Variants in VIPR2 observed in about 807,000 individuals in gnomAD.
The protein encoded by VIPR2 is vasoactive intestinal peptide receptor 2.
A neutral mutation model predicts 58.0 loss-of-function variants in VIPR2; 48 were observed. That is an observed-to-expected ratio of 0.83 (90% CI 0.66 to 1.05). The LOEUF is 1.05. VIPR2 is among the 50% of genes least tolerant of loss of function. VIPR2 has a pLI of 0.00. For synonymous variants in VIPR2, 243 were observed against 235.2 expected (o/e 1.03, Z -0.30); for missense variants, 534 against 558.0 (o/e 0.96, Z 0.43).
intron 2 of VIPR2, among the ~76,000 whole-genome samples, chr7:159,133,508 T>C (rs1204763790): frequency 6.6e-6 from 1 of 152,286 alleles, no homozygotes; most frequent in Non-Finnish European, 1.5e-5. Flanking sequence ...TTTCCATATG[T>C]ATTAACAAAA....
chr7:159,054,500 A>C (rs570870287), intron 5 of VIPR2, among the ~76,000 whole-genome samples: 15 of 152,362 alleles, frequency 9.8e-5, no homozygotes, highest in African/African-American at 3.4e-4. Flanking sequence ...ACCAAACAGA[A>C]AAATGAGCAA....
intron 4 of VIPR2, among the ~76,000 whole-genome samples, chr7:159,061,477 G>A (rs1368369930): frequency 6.6e-6 from 1 of 151,342 alleles, no homozygotes. Context: ...TGACACCCCC[G>A]TCTCCATAAA....
intron 5 of VIPR2, among the ~76,000 whole-genome samples, chr7:159,047,477 A>C (rs1471755485): frequency 6.6e-6 from 1 of 152,198 alleles, no homozygotes; most frequent in Non-Finnish European, 1.5e-5. Context: ...TTTGTCAAAG[A>C]ATTCGGTTAT....
At position 159,034,230 on chromosome 7, in the gene VIPR2, G is replaced by A. The variant is rs746826701; in HGVS notation, c.954C>T (p.Asn318=). 2.3e-5 allele frequency: 37 copies of A among 1,613,950 alleles called. No homozygotes were observed. The highest frequency in any genetic ancestry group is 5.3e-5 in the African/African-American group (4 of 74,942). ...ACACTCACTTGTACTGAGACTGGTC[G>A]TTGCCGCCGACATCTGGGGATGTTA... The part of the protein sequence containing the change: ...QKLTSPDVGG[N]DQSQYKRLAK... The change falls in exon 10 of 13, where the codon AAC becomes AAT. Residue 318 remains asparagine (N), a synonymous_variant. Coordinates refer to ENST00000262178, the MANE Select transcript of VIPR2 (RefSeq NM_003382.5).
intron 8 of VIPR2, among the ~76,000 whole-genome samples, chr7:159,035,248 G>A (rs1651616795): frequency 6.6e-6 from 1 of 152,100 alleles, no homozygotes; most frequent in African/African-American, 2.4e-5. Flanking sequence ...TTTCCCTCGG[G>A]GGCCGAGGGC....
chr7:159,045,887 T>TATAATATATA (rs55706207), intron 5 of VIPR2, among the ~76,000 whole-genome samples: 123,579 of 148,522 alleles, frequency 0.83, 53,166 homozygotes, highest in East Asian at 1. Context: ...AGGATTAGTA[T>TATAATATATA]CTAAAATATA....
intron 2 of VIPR2, among the ~76,000 whole-genome samples, chr7:159,122,494 C>T (rs1013494887): frequency 1.3e-5 from 2 of 152,206 alleles, no homozygotes; most frequent in Non-Finnish European, 2.9e-5. Flanking sequence ...TGGATAAAAA[C>T]AGGCCTGGCA....
At chr7:159,132,976 C>A (rs10275969) in intron 2 of VIPR2, among the ~76,000 whole-genome samples, 783 of 70,856 alleles carry the variant, frequency 0.011, 5 homozygotes, top group East Asian at 0.03. Flanking sequence ...ATTGGCATAC[C>A]GATTGATTTT....
chr7:159,101,880 T>C (rs1397144387), intron 4 of VIPR2, among the ~76,000 whole-genome samples: 1 of 142,418 alleles, frequency 7.0e-6, no homozygotes, highest in African/African-American at 2.7e-5. Flanking sequence ...ACTGTTCCTG[T>C]GGTAGTGAAC....
chr7:159,097,051 A>G lies in VIPR2; in HGVS notation c.357+6706T>C. ...GCAGGCCGCTCTGGGGGTCTCTGGC[A>G]GGCTCCTCCTGGCACCCTGGGAGGC... On this transcript the variant is annotated intron_variant, in intron 4 of 12. Coordinates refer to ENST00000262178, the MANE Select transcript of VIPR2 (RefSeq NM_003382.5). The surrounding 1 kb of genome is among the most constrained non-coding windows in gnomAD (Gnocchi z 5.3). 1 of 1,548,458 alleles carries G rather than the reference A, an allele frequency of 6.5e-7. No homozygotes were observed. Among genetic ancestry groups the G allele is most frequent in the South Asian group, 1.2e-5 (1 of 83,868 alleles).
intron 1 of VIPR2, 56 bp downstream of exon 1, chr7:159,144,665 G>A: frequency 2.9e-6 from 4 of 1,367,640 alleles, no homozygotes; most frequent in Non-Finnish European, 3.8e-6. Context: ...CGCTCTTCTC[G>A]GAAGGGGAGA....
chr7:159,133,028 A>ATTGGCATACCGATTGAT (rs1563355752), intron 2 of VIPR2, among the ~76,000 whole-genome samples: 2 of 143,008 alleles, frequency 1.4e-5, no homozygotes, highest in African/African-American at 2.6e-5. Context: ...AGACAGAATG[A>ATTGGCATACCGATTGAT]TTCCAAAAAT....
At chr7:159,090,010 G>A (rs935980147) in intron 4 of VIPR2, among the ~76,000 whole-genome samples, 11 of 152,074 alleles carry the variant, frequency 7.2e-5, no homozygotes, top group African/African-American at 2.7e-4. Flanking sequence ...GACATGCTGG[G>A]ATCACGCACA....
chr7:159,121,888 A>C (rs1277217954), intron 2 of VIPR2, among the ~76,000 whole-genome samples: 1 of 152,234 alleles, frequency 6.6e-6, no homozygotes. Flanking sequence ...CTTTACTGCA[A>C]ATGCTCATTA....
At chr7:159,104,832 C>T (rs190931491) in intron 3 of VIPR2, among the ~76,000 whole-genome samples, 293 of 148,836 alleles carry the variant, frequency 2.0e-3, no homozygotes, top group African/African-American at 6.8e-3. Flanking sequence ...TGACAGTATC[C>T]TCCCTCCTCC....
chr7:159,096,146 C>T lies in VIPR2; in HGVS notation c.357+7611G>A, dbSNP rs1257319364. On this transcript the variant is annotated intron_variant, in intron 4 of 12. Coordinates refer to ENST00000262178, the MANE Select transcript of VIPR2 (RefSeq NM_003382.5). The surrounding 1 kb of genome is among the most constrained non-coding windows in gnomAD (Gnocchi z 5.5). ...TAAGGGGAGCAGCAGGGAGGCTGGA[C>T]CCTTCCCCAGAGCACAATGCCGGAG... 1.3e-5 allele frequency among the ~76,000 whole-genome samples: 2 copies of T among 152,182 alleles called. No homozygotes were observed. The highest frequency in any genetic ancestry group is 2.4e-5 in the African/African-American group (1 of 41,454).
chr7:159,085,235 G>A (rs1857109747), intron 4 of VIPR2, among the ~76,000 whole-genome samples: 1 of 152,168 alleles, frequency 6.6e-6, no homozygotes, highest in Non-Finnish European at 1.5e-5. Flanking sequence ...CAACAACCCT[G>A]TGAAGACACC....
At chr7:159,144,574 A>T in intron 1 of VIPR2, 147 bp downstream of exon 1, 1 of 1,405,814 alleles carries the variant, frequency 7.1e-7, no homozygotes, top group East Asian at 2.9e-5. Context: ...GAAGCTCCGG[A>T]CCCCGGGCGA....
intron 2 of VIPR2, among the ~76,000 whole-genome samples, chr7:159,114,661 C>T (rs947465452): frequency 2.0e-4 from 30 of 151,998 alleles, no homozygotes; most frequent in Admixed American, 1.6e-3. Context: ...AAGCATTAAG[C>T]CAGGCACTGT....
Sources: allele counts gnomAD v4.1 joint callset (sites outside exome capture counted in the v4.1 genomes callset), GRCh38; gene constraint gnomAD v4.1.1; non-coding constraint Gnocchi (gnomAD v3.1); transcripts MANE v1.5; gene names NCBI Gene and HGNC (gene_info 2026-07-23, HGNC 2026-07-21).